CACNA1E: variants seen among roughly 807,000 people sequenced by gnomAD.
CACNA1E encodes the protein voltage-dependent R-type calcium channel subunit alpha-1E.
A neutral mutation model predicts 259.2 loss-of-function variants in CACNA1E; 40 were observed. That is an observed-to-expected ratio of 0.15 (90% confidence interval 0.12 to 0.20). The LOEUF (loss-of-function observed/expected upper bound fraction) is 0.20, where lower values mean the gene tolerates loss of function less well. Ranked by LOEUF, CACNA1E falls within the 10% of genes least tolerant of loss-of-function variation. CACNA1E has a pLI of 1.00. For missense variants in CACNA1E, 1,874 were observed against 3,040.1 expected (o/e 0.62, Z 9.02); for synonymous variants, 1,104 against 1,138.5 (o/e 0.97, Z 0.61).
chr1:181,742,681 C>G (rs3753742), intron 25 of CACNA1E, among the ~76,000 whole-genome samples: 33,556 of 152,038 alleles, frequency 0.22, 4,004 homozygotes, highest in East Asian at 0.43. Flanking sequence ...CTCACCGAGT[C>G]GGGGGAGTGA....
intron 3 of CACNA1E, among the ~76,000 whole-genome samples, chr1:181,528,050 A>G (rs1667491509): frequency 6.6e-6 from 1 of 150,476 alleles, no homozygotes; most frequent in South Asian, 2.1e-4. Context: ...TTTACTCCCC[A>G]TCTTTCCACT....
chr1:181,786,640 C>T (rs893938458), intron 43 of CACNA1E, among the ~76,000 whole-genome samples: 4 of 152,172 alleles, frequency 2.6e-5, no homozygotes, highest in South Asian at 2.1e-4. Flanking sequence ...CATTATATTT[C>T]GATCATCAGC....
Position 181,798,571 on chromosome 1 carries a change from T to C in CACNA1E, c.6679T>C (p.Tyr2227His). The C allele has an allele frequency of 6.2e-7, 1 of 1,613,666 alleles. No homozygotes were observed. Among genetic ancestry groups the C allele is most frequent in the Non-Finnish European group, 8.5e-7 (1 of 1,179,902 alleles). The change falls in exon 48 of 48, where the codon TAC becomes CAC. Residue 2227 changes from tyrosine to histidine, a missense_variant. Tyr to His is a moderately conservative substitution (Grantham distance 83). Transcript: ENST00000367573. This position sits in a 1 kb window ranked among gnomAD's most constrained non-coding sequence, Gnocchi z 4.2. ...GAGCCAACATGCCTCCCCACAGCGC[T>C]ACATCTCCGAGCCCTACTTGGCCCT... ...QQSQHASPQR[Y>H]ISEPYLALHE...
chr1:181,664,717 C>G (rs1648041659), intron 7 of CACNA1E, among the ~76,000 whole-genome samples: 2 of 151,884 alleles, frequency 1.3e-5, no homozygotes, highest in South Asian at 4.2e-4. Flanking sequence ...GGGGCTCAGC[C>G]AAGGTGAGAG....
intron 1 of CACNA1E, among the ~76,000 whole-genome samples, chr1:181,320,847 C>T (rs189250298): frequency 1.6e-3 from 237 of 152,246 alleles, no homozygotes; most frequent in African/African-American, 5.4e-3. Flanking sequence ...GCTTGGTGTC[C>T]GTCTTAGTCC....
At chr1:181,612,420 T>G (rs1345156774) in intron 6 of CACNA1E, among the ~76,000 whole-genome samples, 1 of 152,210 alleles carries the variant, frequency 6.6e-6, no homozygotes, top group Non-Finnish European at 1.5e-5. Flanking sequence ...AGGTTTTATT[T>G]TTCATTGGAA....
chr1:181,587,028 A>G (rs1279917931), intron 6 of CACNA1E, among the ~76,000 whole-genome samples: 1 of 152,166 alleles, frequency 6.6e-6, no homozygotes, highest in East Asian at 1.9e-4. Flanking sequence ...TCTAGACCAC[A>G]GATGTAGGGA....
intron 2 of CACNA1E, among the ~76,000 whole-genome samples, chr1:181,467,646 C>T (rs758273705): frequency 1.3e-5 from 2 of 152,048 alleles, no homozygotes; most frequent in Non-Finnish European, 2.9e-5. Flanking sequence ...AGAGGTGCAG[C>T]TCTGAGTTCA....
At chr1:181,654,840 C>T (rs553629845) in intron 7 of CACNA1E, among the ~76,000 whole-genome samples, 17 of 151,880 alleles carry the variant, frequency 1.1e-4, no homozygotes, top group African/African-American at 1.5e-4. Context: ...AAAAATTAGC[C>T]GGGCGAGGTG....
At chr1:181,748,458 A>G (rs758174223) in intron 25 of CACNA1E, among the ~76,000 whole-genome samples, 7 of 152,176 alleles carry the variant, frequency 4.6e-5, no homozygotes, top group Non-Finnish European at 8.8e-5. Context: ...GCCCTCCCGC[A>G]GAAGACGCAT....
intron 2 of CACNA1E, among the ~76,000 whole-genome samples, chr1:181,433,944 A>G (rs1397388803): frequency 6.6e-6 from 1 of 152,256 alleles, no homozygotes; most frequent in Non-Finnish European, 1.5e-5. Flanking sequence ...AAAAAGCAAT[A>G]GCCAAATGTG....
chr1:181,671,080 C>G (rs1648746877), intron 7 of CACNA1E, among the ~76,000 whole-genome samples: 1 of 152,158 alleles, frequency 6.6e-6, no homozygotes, highest in South Asian at 2.1e-4. Flanking sequence ...GTCACCCATG[C>G]TGGAGTGCAG....
At chr1:181,779,221 T>C (rs1240341258) in intron 38 of CACNA1E, among the ~76,000 whole-genome samples, 1 of 152,224 alleles carries the variant, frequency 6.6e-6, no homozygotes, top group Non-Finnish European at 1.5e-5. Flanking sequence ...CCCTTTGGCA[T>C]TGACCAGGCT....
chr1:181,678,965 G>T (rs1649651676), intron 7 of CACNA1E, among the ~76,000 whole-genome samples: 1 of 152,082 alleles, frequency 6.6e-6, no homozygotes, highest in Admixed American at 6.5e-5. Flanking sequence ...TTGAGTTAAG[G>T]CTTTTTAAGA....
intron 3 of CACNA1E, among the ~76,000 whole-genome samples, chr1:181,558,546 C>T (rs944858434): frequency 6.6e-6 from 1 of 152,286 alleles, no homozygotes; most frequent in South Asian, 2.1e-4. Context: ...GCAGTTTAAA[C>T]CTAGCCAGGG....
At chr1:181,750,421 T>G in intron 25 of CACNA1E, 55 bp from the exon 26 acceptor site, 1 of 1,569,602 alleles carries the variant, frequency 6.4e-7, no homozygotes, top group South Asian at 1.1e-5. Context: ...CAACCCCATT[T>G]TTTTGTTTTG....
chr1:181,577,821 C>T lies in CACNA1E; in HGVS notation c.568C>T (p.Arg190Trp). ...FNTHVDLRTL[R>W]AVRVLRPLKL... is the part of the protein sequence containing the mutation. ...TACTCACGTGGACCTGAGGACCCTC[C>T]GGGCTGTGCGTGTCCTGCGGCCTTT... Residue 190 changes from arginine (R) to tryptophan (W), a missense_variant, in exon 4 of 48, where the codon CGG becomes TGG. Physicochemically the swap from Arg to Trp is moderately radical, Grantham distance 101. This residue lies in a region of CACNA1E where 55 missense variants were observed against 156.5 expected (regional missense o/e 0.35). Coordinates refer to ENST00000367573, the MANE Select transcript of CACNA1E (RefSeq NM_001205293.3). 6 of 1,611,924 alleles carry T rather than the reference C, an allele frequency of 3.7e-6. No individual in the cohort carries two copies. The highest frequency in any genetic ancestry group is 1.1e-5 in the South Asian group (1 of 90,308).
chr1:181,504,091 G>A (rs1310998954), intron 1 of CACNA1E, among the ~76,000 whole-genome samples: 2 of 152,266 alleles, frequency 1.3e-5, no homozygotes, highest in African/African-American at 2.4e-5. Flanking sequence ...AAGAAGAGGT[G>A]GAAAGACATG....
At chr1:181,743,282 A>C (rs979851704) in intron 25 of CACNA1E, among the ~76,000 whole-genome samples, 7 of 152,026 alleles carry the variant, frequency 4.6e-5, no homozygotes, top group African/African-American at 1.7e-4. Context: ...GGATCTATGA[A>C]ACCTTCCTCT....
Sources: allele counts gnomAD v4.1 joint callset (sites outside exome capture counted in the v4.1 genomes callset), GRCh38; gene constraint gnomAD v4.1.1; regional missense constraint gnomAD v4.1.1; non-coding constraint Gnocchi (gnomAD v3.1); transcripts MANE v1.5; gene names NCBI Gene and HGNC (gene_info 2026-07-23, HGNC 2026-07-21).